The following APCS variants were observed in gnomAD, a reference collection of about 807,000 sequenced individuals.
APCS encodes serum amyloid P-component.
Under a neutral mutation model 2.5 loss-of-function variants are expected in APCS, and 2 were observed. That is an observed-to-expected ratio of 0.80 (90% confidence interval 0.33 to 2.53). APCS has a LOEUF of 2.53. APCS is among the 30% of genes most tolerant of loss of function. The pLI, the probability that APCS is intolerant of heterozygous loss-of-function variation, is 0.11. For synonymous variants in APCS, 109 were observed against 102.5 expected, an observed-to-expected ratio of 1.06 and a Z score of -0.39; for missense variants, 302 against 258.9, an observed-to-expected ratio of 1.17 and a Z score of -1.14.
Position 159,588,401 on chromosome 1 carries a change from G to T in APCS, c.365G>T (p.Gly122Val). Residue 122 changes from glycine (G) to valine (V), a missense_variant, in exon 2 of 2, where the codon GGT becomes GTT. Transcript: ENST00000255040. ...HICVSWESSSGIAEFWINGTP... is the reference protein window; with the variant it reads ...HICVSWESSSVIAEFWINGTP... ...TGTGTGAGCTGGGAGTCCTCATCAGGTATTGCTGAATTTTGGATCAATGGG... is the reference window on the plus strand; with the variant it reads ...TGTGTGAGCTGGGAGTCCTCATCAGTTATTGCTGAATTTTGGATCAATGGG... The T allele has an allele frequency of 6.2e-7, 1 of 1,614,156 alleles. No individual in the cohort carries two copies. The highest frequency in any genetic ancestry group is 1.7e-5 in the Admixed American group (1 of 60,008).
chr1:159,588,843 A>C lies in APCS; in HGVS notation c.*135A>C. The C allele has an allele frequency of 1.0e-6, 1 of 1,002,940 alleles. No individual in the cohort carries two copies. The allele number at this position is 1,002,940 out of a possible 1,614,324, so 62.1% of individuals were successfully genotyped here. On this transcript the variant is annotated 3_prime_UTR_variant, in exon 2 of 2. Coordinates refer to ENST00000255040, the MANE Select transcript of APCS (RefSeq NM_001639.4). ...CTATCTGTATGTCTGCCTAATTAAA[A>C]AAATATATATTGTATTATGCTACCT...
In APCS at chr1:159,588,681, C is replaced by G; in HGVS notation, c.645C>G (p.Val215=). Residue 215 remains valine (V), a synonymous_variant, in exon 2 of 2, where the codon GTC becomes GTG. Coordinates refer to ENST00000255040, the MANE Select transcript of APCS (RefSeq NM_001639.4). ...TGAACTATGAAATCAGAGGATATGTCATCATCAAACCCTTGGTGTGGGTCT... is the reference window on the plus strand; with the variant it reads ...TGAACTATGAAATCAGAGGATATGTGATCATCAAACCCTTGGTGTGGGTCT... ...QALNYEIRGY[V]IIKPLVWV 1 of 1,613,274 alleles carries G rather than the reference C, an allele frequency of 6.2e-7. No individual in the cohort carries two copies. Among genetic ancestry groups the G allele is most frequent in the Admixed American group, 1.7e-5 (1 of 59,898 alleles).
chr1:159,588,183 A>G lies in APCS; in HGVS notation c.147A>G (p.Leu49=), dbSNP rs776111690. ...VNLITPLEKP[L]QNFTLCFRAY... Reference sequence around the variant, plus strand: ...TGATCACACCGCTGGAGAAGCCTCTACAGAACTTTACCTTGTGTTTTCGAG... The same window carrying G: ...TGATCACACCGCTGGAGAAGCCTCTGCAGAACTTTACCTTGTGTTTTCGAG... The change falls in exon 2 of 2, where the codon CTA becomes CTG. Residue 49 remains leucine (L), a synonymous_variant. Transcript: ENST00000255040. The G allele has an allele frequency of 2.5e-6, 4 of 1,614,090 alleles. No homozygotes were observed. The East Asian group carries it at 8.9e-5, about 36-fold the overall frequency.
chr1:159,587,944 T>A lies in APCS; in HGVS notation c.23T>A (p.Ile8Asn). 4 of 1,614,074 alleles carry A rather than the reference T, an allele frequency of 2.5e-6. No individual in the cohort carries two copies. The highest frequency in any genetic ancestry group is 3.4e-6 in the Non-Finnish European group (4 of 1,180,008). MNKPLLW[I>N]SVLTSLLEAF... ...AATATGAACAAGCCGCTGCTTTGGA[T>A]CTCTGTCCTCACCAGCCTCCTGGAA... The change falls in exon 1 of 2, where the codon ATC becomes AAC. Residue 8 changes from isoleucine (I) to asparagine (N), a missense_variant. Ile to Asn is a moderately radical substitution (Grantham distance 149). Coordinates refer to ENST00000255040, the MANE Select transcript of APCS (RefSeq NM_001639.4).
chr1:159,588,565 T>C lies in APCS; in HGVS notation c.529T>C (p.Tyr177His). 6.2e-7 allele frequency: 1 copy of C among 1,614,002 alleles called. No individual in the cohort carries two copies. The highest frequency in any genetic ancestry group is 8.5e-7 in the Non-Finnish European group (1 of 1,180,016). ...QSFVGEIGDL[Y>H]MWDSVLPPEN... ...CTTTGTGGGAGAGATTGGGGATTTG[T>C]ACATGTGGGACTCTGTGCTGCCCCC... The change falls in exon 2 of 2, where the codon TAC (tyrosine) becomes CAC (histidine). Residue 177 changes from tyrosine (Y) to histidine (H), a missense_variant. Coordinates refer to ENST00000255040, the MANE Select transcript of APCS (RefSeq NM_001639.4).
chr1:159,588,540 C>A lies in APCS; in HGVS notation c.504C>A (p.Ser168=), dbSNP rs1267087717. The A allele has an allele frequency of 3.1e-6, 5 of 1,613,932 alleles. No homozygotes were observed. Among genetic ancestry groups the A allele is most frequent in the Non-Finnish European group, 4.2e-6 (5 of 1,179,994 alleles). The change falls in exon 2 of 2, where the codon TCC becomes TCA. Residue 168 remains serine, a synonymous_variant. Coordinates refer to ENST00000255040, the MANE Select transcript of APCS (RefSeq NM_001639.4). The part of the protein sequence containing the change: ...SYGGKFDRSQ[S]FVGEIGDLYM... Reference sequence around the variant, plus strand: ...GGGGCAAGTTTGATAGGAGCCAGTCCTTTGTGGGAGAGATTGGGGATTTGT... The same window carrying A: ...GGGGCAAGTTTGATAGGAGCCAGTCATTTGTGGGAGAGATTGGGGATTTGT...
At position 159,588,730 on chromosome 1, in the gene APCS, C is replaced by T. The variant is rs894362593; in HGVS notation, c.*22C>T. On this transcript the variant is annotated 3_prime_UTR_variant, in exon 2 of 2. Transcript: ENST00000255040. ...CTGAGGTCTTGACTCAACGAGAGCA[C>T]TTGAAAATGAAATGACTGTCTAAGA... 1 of 1,586,182 alleles carries T rather than the reference C, an allele frequency of 6.3e-7. No homozygotes were observed. The highest frequency in any genetic ancestry group is 8.6e-7 in the Non-Finnish European group (1 of 1,161,974).
rs376772214 is a variant in APCS at position 159,587,963 on chromosome 1, C to G, written c.42C>G (p.Leu14=). Residue 14 remains leucine, a synonymous_variant, in exon 1 of 2, where the codon CTC becomes CTG. Coordinates refer to ENST00000255040, the MANE Select transcript of APCS (RefSeq NM_001639.4). ...PLLWISVLTS[L]LEAFAHTDLS... Reference sequence around the variant, plus strand: ...TTTGGATCTCTGTCCTCACCAGCCTCCTGGAAGCCTTTGCTCACACAGGTA... The same window carrying G: ...TTTGGATCTCTGTCCTCACCAGCCTGCTGGAAGCCTTTGCTCACACAGGTA... 1.1e-5 allele frequency: 18 copies of G among 1,614,028 alleles called. 1 individual carries two copies. In the Admixed American group the frequency reaches 3.0e-4, roughly 27 times the overall value.
At position 159,588,339 on chromosome 1, in the gene APCS, C is replaced by T; in HGVS notation, c.303C>T (p.Ser101=). 6.2e-7 allele frequency: 1 copy of T among 1,614,082 alleles called. No individual in the cohort carries two copies. The highest frequency in any genetic ancestry group is 2.2e-5 in the East Asian group (1 of 44,884). The part of the protein sequence containing the change: ...SLYIGRHKVT[S]KVIEKFPAPV... ...ACATTGGAAGACACAAAGTTACATCCAAAGTTATCGAAAAGTTCCCGGCTC... is the reference window on the plus strand; with the variant it reads ...ACATTGGAAGACACAAAGTTACATCTAAAGTTATCGAAAAGTTCCCGGCTC... Residue 101 remains serine, a synonymous_variant, in exon 2 of 2, where the codon TCC becomes TCT. Coordinates refer to ENST00000255040, the MANE Select transcript of APCS (RefSeq NM_001639.4).
Position 159,587,951 on chromosome 1 carries a change from C to T in APCS, c.30C>T (p.Val10=). 6.2e-7 allele frequency: 1 copy of T among 1,614,160 alleles called. No individual in the cohort carries two copies. The highest frequency in any genetic ancestry group is 8.5e-7 in the Non-Finnish European group (1 of 1,180,036). MNKPLLWIS[V]LTSLLEAFAH... Reference sequence around the variant, plus strand: ...ACAAGCCGCTGCTTTGGATCTCTGTCCTCACCAGCCTCCTGGAAGCCTTTG... The same window carrying T: ...ACAAGCCGCTGCTTTGGATCTCTGTTCTCACCAGCCTCCTGGAAGCCTTTG... Residue 10 remains valine (V), a synonymous_variant, in exon 1 of 2, where the codon GTC becomes GTT. Coordinates refer to ENST00000255040, the MANE Select transcript of APCS (RefSeq NM_001639.4).
In APCS at chr1:159,588,151, G is replaced by A. The variant is rs751779055; in HGVS notation, c.115G>A (p.Val39Ile). The A allele has an allele frequency of 5.0e-6, 8 of 1,613,848 alleles. No individual in the cohort carries two copies. The highest frequency in any genetic ancestry group is 6.8e-6 in the Non-Finnish European group (8 of 1,179,826). ...TCCTAGAGAATCTGTTACTGATCAT[G>A]TAAACTTGATCACACCGCTGGAGAA... ...VFPRESVTDH[V>I]NLITPLEKPL... The change falls in exon 2 of 2, where the codon GTA (valine) becomes ATA (isoleucine). Residue 39 changes from valine (V) to isoleucine (I), a missense_variant. Val to Ile is a conservative substitution (Grantham distance 29, BLOSUM62 3). Transcript: ENST00000255040.
At position 159,588,439 on chromosome 1, in the gene APCS, A is replaced by T; in HGVS notation, c.403A>T (p.Lys135Ter). The stretch of plus-strand genomic sequence containing the variant: ...TTGGATCAATGGGACACCTTTGGTG[A>T]AAAAGGGTCTGCGACAGGGTTACTT... ...EFWINGTPLV[K>*]KGLRQGYFVE... Residue 135 changes from lysine (K) to a stop codon, truncating the protein, a stop_gained, in exon 2 of 2, where the codon AAA becomes TAA. Coordinates refer to ENST00000255040, the MANE Select transcript of APCS (RefSeq NM_001639.4). LOFTEE classifies it low-confidence loss of function (END_TRUNC). 6.2e-7 allele frequency: 1 copy of T among 1,614,074 alleles called. No individual in the cohort carries two copies. Among genetic ancestry groups the T allele is most frequent in the Non-Finnish European group, 8.5e-7 (1 of 1,180,010 alleles).
rs1181989081 is a variant in APCS at position 159,588,219 on chromosome 1, T to G, written c.183T>G (p.Asp61Glu). Residue 61 changes from aspartate (D) to glutamate (E), a missense_variant, in exon 2 of 2, where the codon GAT becomes GAG. By Grantham distance (45) the Asp-to-Glu change is conservative. Coordinates refer to ENST00000255040, the MANE Select transcript of APCS (RefSeq NM_001639.4). ...CCTTGTGTTTTCGAGCCTATAGTGATCTCTCTCGTGCCTACAGCCTCTTCT... is the reference window on the plus strand; with the variant it reads ...CCTTGTGTTTTCGAGCCTATAGTGAGCTCTCTCGTGCCTACAGCCTCTTCT... ...NFTLCFRAYSDLSRAYSLFSY... is the reference protein window; with the variant it reads ...NFTLCFRAYSELSRAYSLFSY... 1 of 1,614,046 alleles carries G rather than the reference T, an allele frequency of 6.2e-7. No homozygotes were observed. The highest frequency in any genetic ancestry group is 8.5e-7 in the Non-Finnish European group (1 of 1,180,040).
Position 159,587,914 on chromosome 1 carries a change from C to T in APCS, c.-8C>T, listed in dbSNP as rs772980505. ...CTGCTTCTGCTATAACAGCCCTAGGCCAGGAATATGAACAAGCCGCTGCTT... is the reference window on the plus strand; with the variant it reads ...CTGCTTCTGCTATAACAGCCCTAGGTCAGGAATATGAACAAGCCGCTGCTT... On this transcript the variant is annotated 5_prime_UTR_variant, in exon 1 of 2. Coordinates refer to ENST00000255040, the MANE Select transcript of APCS (RefSeq NM_001639.4). 7 of 1,613,466 alleles carry T rather than the reference C, an allele frequency of 4.3e-6. No homozygotes were observed. The East Asian group carries it at 1.6e-4, about 36-fold the overall frequency.
chr1:159,588,820 A>C lies in APCS; in HGVS notation c.*112A>C, dbSNP rs1658823327. ...CAGCTCTTTCTTCTTTGAATTTCCT[A>C]TCTGTATGTCTGCCTAATTAAAAAA... On this transcript the variant is annotated 3_prime_UTR_variant, in exon 2 of 2. Coordinates refer to ENST00000255040, the MANE Select transcript of APCS (RefSeq NM_001639.4). The C allele has an allele frequency of 8.1e-7, 1 of 1,238,110 alleles. No individual in the cohort carries two copies. The highest frequency in any genetic ancestry group is 1.1e-6 in the Non-Finnish European group (1 of 897,712). 76.7% of individuals were successfully genotyped at this position (1,238,110 alleles called of 1,614,324 possible). A position where few individuals can be genotyped will look rare whatever the true frequency, so the allele number is the denominator to read the frequency against.
At position 159,587,830 on chromosome 1, in the gene APCS, A is replaced by G. The variant is rs981872636; in HGVS notation, c.-92A>G. 7 of 1,335,360 alleles carry G rather than the reference A, an allele frequency of 5.2e-6. No homozygotes were observed. Among genetic ancestry groups the G allele is most frequent in the Non-Finnish European group, 1.1e-6 (1 of 929,716 alleles). 82.7% of individuals were successfully genotyped at this position (1,335,360 alleles called of 1,614,324 possible). A position where few individuals can be genotyped will look rare whatever the true frequency, so the allele number is the denominator to read the frequency against. Reference sequence around the variant, plus strand: ...CCTGAATAACCTGAAGTCTAAGGGCATGAATATCAGACGCTAGGGGGACAG... The same window carrying G: ...CCTGAATAACCTGAAGTCTAAGGGCGTGAATATCAGACGCTAGGGGGACAG... On this transcript the variant is annotated 5_prime_UTR_variant, in exon 1 of 2. It removes an upstream start codon present in the reference 5' UTR. Coordinates refer to ENST00000255040, the MANE Select transcript of APCS (RefSeq NM_001639.4).
rs1444519185 is a variant in APCS, at chr1:159,588,127, C to T, written c.91C>T (p.Pro31Ser). Residue 31 changes from proline to serine, a missense_variant, in exon 2 of 2, where the codon CCT becomes TCT. Pro to Ser is a moderately conservative substitution (Grantham distance 74, BLOSUM62 -1). Coordinates refer to ENST00000255040, the MANE Select transcript of APCS (RefSeq NM_001639.4). ...TDLSGKVFVF[P>S]RESVTDHVNL... is the part of the protein sequence containing the mutation. ...CCTCAGTGGGAAGGTGTTTGTATTT[C>T]CTAGAGAATCTGTTACTGATCATGT... 4.3e-6 allele frequency: 7 copies of T among 1,613,598 alleles called. No homozygotes were observed. The highest frequency in any genetic ancestry group is 5.9e-6 in the Non-Finnish European group (7 of 1,179,718).
rs780579466 is a variant in APCS at position 159,588,285 on chromosome 1, TAAAG to T, written c.255_258del (p.Arg86LeufsTer29). ...GCAGGGATAATGAGCTACTAGTTTA[TAAAG>T]AAAGAGTTGGAGAGTATAGTCTATA... On this transcript the variant is annotated frameshift_variant, in exon 2 of 2. Coordinates refer to ENST00000255040, the MANE Select transcript of APCS (RefSeq NM_001639.4). LOFTEE classifies it low-confidence loss of function (END_TRUNC). 5 of 1,613,820 alleles carry T rather than the reference TAAAG, an allele frequency of 3.1e-6. No individual in the cohort carries two copies. The African/African-American group carries it at 6.7e-5, about 22-fold the overall frequency.
At chr1:159,588,075 A>T (rs777355943) in intron 1 of APCS, 26 bp from the exon 2 acceptor site, 5 of 1,613,106 alleles carry the variant, frequency 3.1e-6, no homozygotes, top group East Asian at 2.2e-5. Context: ...ACTGAAGGTC[A>T]TTATCTTTCT....
Sources: gnomAD v4.1 joint callset for allele counts on GRCh38, gnomAD v4.1.1 for gene constraint, MANE v1.5 for transcripts, NCBI Gene and HGNC (gene_info 2026-07-23, HGNC 2026-07-21) for gene names.